PDE4D: variants seen among roughly 807,000 people sequenced by gnomAD.
PDE4D encodes the protein 3',5'-cyclic-AMP phosphodiesterase 4D.
Under a neutral mutation model 87.4 loss-of-function variants are expected in PDE4D, and 24 were observed. That is an observed-to-expected ratio of 0.27 (90% CI 0.20 to 0.39). The LOEUF (loss-of-function observed/expected upper bound fraction) is 0.39. Among genes scored for constraint, PDE4D ranks in the 10% least tolerant of loss-of-function variants. PDE4D has a pLI of 1.00. For missense variants in PDE4D, 714 were observed against 1,041.0 expected, an observed-to-expected ratio of 0.69 and a Z score of 4.32; for synonymous variants, 384 against 383.2, an observed-to-expected ratio of 1.00 and a Z score of -0.02.
intron 1 of PDE4D, among the ~76,000 whole-genome samples, chr5:59,680,121 T>C (rs1748759116): frequency 1.3e-5 from 2 of 152,130 alleles, no homozygotes; most frequent in African/African-American, 4.8e-5. Context: ...AAAAAATACA[T>C]AATTAATGGC....
intron 1 of PDE4D, among the ~76,000 whole-genome samples, chr5:59,766,462 G>C (rs963495722): frequency 6.6e-6 from 1 of 152,164 alleles, no homozygotes; most frequent in African/African-American, 2.4e-5. Context: ...CTATTTTCAT[G>C]GGATTTCCTG....
intron 1 of PDE4D, among the ~76,000 whole-genome samples, chr5:60,230,399 T>C (rs1302247308): frequency 2.0e-5 from 3 of 152,050 alleles, no homozygotes; most frequent in Non-Finnish European, 4.4e-5. Context: ...AGTGGGCAAA[T>C]GTGATGTCCT....
intron 1 of PDE4D, among the ~76,000 whole-genome samples, chr5:59,759,869 A>G (rs1761759744): frequency 6.6e-6 from 1 of 152,180 alleles, no homozygotes; most frequent in Non-Finnish European, 1.5e-5. Flanking sequence ...ACTGGCAGCA[A>G]TGCTCTTCTC....
intron 1 of PDE4D, among the ~76,000 whole-genome samples, chr5:59,535,319 G>A (rs184368646): frequency 6.6e-6 from 1 of 152,270 alleles, no homozygotes; most frequent in East Asian, 1.9e-4. Context: ...TGGGTGTCTG[G>A]CCCAGGCATC....
chr5:60,107,462 T>C (rs1388331017), intron 2 of PDE4D, among the ~76,000 whole-genome samples: 2 of 152,228 alleles, frequency 1.3e-5, no homozygotes, highest in African/African-American at 4.8e-5. Flanking sequence ...CTTCTGAAAC[T>C]ATTCCAATCA....
chr5:60,321,915 C>T (rs1756313518), intron 1 of PDE4D, among the ~76,000 whole-genome samples: 1 of 151,060 alleles, frequency 6.6e-6, no homozygotes, highest in Non-Finnish European at 1.5e-5. Flanking sequence ...AATTTGCTGG[C>T]AAGGTTGCAG....
At chr5:60,228,769 G>GT (rs2149618138) in intron 1 of PDE4D, among the ~76,000 whole-genome samples, 1 of 152,224 alleles carries the variant, frequency 6.6e-6, no homozygotes, top group African/African-American at 2.4e-5. Flanking sequence ...GAATGACTAT[G>GT]TGAAAAGAGA....
intron 1 of PDE4D, among the ~76,000 whole-genome samples, chr5:59,654,268 G>GAATAA (rs1248343700): frequency 1.3e-5 from 2 of 152,162 alleles, no homozygotes; most frequent in African/African-American, 4.8e-5. Flanking sequence ...GGAGAGGGAA[G>GAATAA]AATAAAATAA....
chr5:59,221,591 C>T (rs770403188), intron 1 of PDE4D, among the ~76,000 whole-genome samples: 1 of 152,074 alleles, frequency 6.6e-6, no homozygotes, highest in Non-Finnish European at 1.5e-5. Context: ...ATGATTACGT[C>T]ACTGCACTCC....
At chr5:60,442,704 T>G (rs1745335588) in intron 1 of PDE4D, among the ~76,000 whole-genome samples, 1 of 151,788 alleles carries the variant, frequency 6.6e-6, no homozygotes, top group African/African-American at 2.4e-5. Flanking sequence ...CAGAGAACAT[T>G]GAAATGGTTG....
intron 1 of PDE4D, among the ~76,000 whole-genome samples, chr5:60,445,327 A>C (rs1745562679): frequency 6.6e-6 from 1 of 152,220 alleles, no homozygotes; most frequent in Non-Finnish European, 1.5e-5. Flanking sequence ...ATATTAAAAA[A>C]CTAGATCCAA....
chr5:59,957,210 T>A (rs1758928995), intron 3 of PDE4D, among the ~76,000 whole-genome samples: 1 of 152,152 alleles, frequency 6.6e-6, no homozygotes, highest in Non-Finnish European at 1.5e-5. Context: ...TTTTTTTAAT[T>A]ATTATTATTT....
chr5:60,379,191 GAA>G (rs60761481), intron 1 of PDE4D, among the ~76,000 whole-genome samples: 49 of 146,720 alleles, frequency 3.3e-4, no homozygotes, highest in African/African-American at 1.2e-3. Context: ...ACCAGGAAAA[GAA>G]AAAAAAAAAA....
At chr5:59,864,211 A>G (rs1193017625) in intron 1 of PDE4D, among the ~76,000 whole-genome samples, 1 of 152,294 alleles carries the variant, frequency 6.6e-6, no homozygotes, top group African/African-American at 2.4e-5. Flanking sequence ...GGGGATGCTG[A>G]GCAGTGGTCA....
intron 5 of PDE4D, among the ~76,000 whole-genome samples, chr5:59,161,610 G>C (rs1262194698): frequency 1.3e-5 from 2 of 152,158 alleles, no homozygotes; most frequent in African/African-American, 4.8e-5. Context: ...AGGCATGTCT[G>C]ACTTCCTTTG....
At chr5:59,957,695 T>C (rs902143265) in intron 3 of PDE4D, among the ~76,000 whole-genome samples, 2 of 152,088 alleles carry the variant, frequency 1.3e-5, no homozygotes, top group African/African-American at 4.8e-5. Context: ...TAAAAGGACA[T>C]GAGGTAGCAG....
At chr5:59,713,846 C>A (rs1754577833) in intron 1 of PDE4D, among the ~76,000 whole-genome samples, 1 of 152,136 alleles carries the variant, frequency 6.6e-6, no homozygotes. Flanking sequence ...ACAAGAAGTA[C>A]ACTCCCAATC....
At chr5:60,226,239 C>T (rs1745087091) in intron 1 of PDE4D, among the ~76,000 whole-genome samples, 2 of 152,206 alleles carry the variant, frequency 1.3e-5, no homozygotes, top group South Asian at 4.2e-4. Flanking sequence ...TTTAAAGTGA[C>T]TGTGCTAAGA....
At chr5:60,205,130 C>G (rs544300598) in intron 1 of PDE4D, among the ~76,000 whole-genome samples, 3 of 152,280 alleles carry the variant, frequency 2.0e-5, no homozygotes, top group African/African-American at 7.2e-5. Flanking sequence ...CAACTCTGAT[C>G]CCCAGCTCAA....
Sources: allele counts gnomAD v4.1 joint callset (sites outside exome capture counted in the v4.1 genomes callset), GRCh38; gene constraint gnomAD v4.1.1; transcripts MANE v1.5; gene names NCBI Gene and HGNC (gene_info 2026-07-23, HGNC 2026-07-21).